Variants in CPEB3 observed in about 807,000 individuals in gnomAD.
CPEB3 encodes cytoplasmic polyadenylation element binding protein 3.
A neutral mutation model predicts 67.2 loss-of-function variants in CPEB3; 20 were observed. The ratio of observed to expected loss-of-function variants is 0.30; its 90% CI spans 0.21 to 0.43. CPEB3 has a LOEUF of 0.43. Ranked by LOEUF, CPEB3 falls within the 20% of genes least tolerant of loss-of-function variation. The probability of loss-of-function intolerance (pLI) is 1.00; values close to 1 mark genes in which losing one functional copy is unlikely to be tolerated. For missense variants in CPEB3, 746 were observed against 968.6 expected (o/e 0.77, Z 3.05); for synonymous variants, 376 against 393.1 (o/e 0.96, Z 0.51).
At chr10:92,147,222 G>A (rs759464180) in intron 4 of CPEB3, among the ~76,000 whole-genome samples, 3 of 152,306 alleles carry the variant, frequency 2.0e-5, no homozygotes, top group East Asian at 1.9e-4. Context: ...TTGGGAGGCC[G>A]AGGCAGGTGG....
At chr10:92,238,806 A>G (rs1851666146) in intron 2 of CPEB3, among the ~76,000 whole-genome samples, 1 of 152,220 alleles carries the variant, frequency 6.6e-6, no homozygotes, top group Non-Finnish European at 1.5e-5. Flanking sequence ...TTAGCGAGAC[A>G]TAAACACATG....
intron 9 of CPEB3, among the ~76,000 whole-genome samples, chr10:92,077,029 T>C (rs1160415164): frequency 6.6e-6 from 1 of 152,114 alleles, no homozygotes; most frequent in African/African-American, 2.4e-5. Flanking sequence ...AACCTTTCTA[T>C]GAGATATGAG....
chr10:92,234,105 C>CA (rs1266057741), intron 2 of CPEB3, among the ~76,000 whole-genome samples: 28,261 of 81,118 alleles, frequency 0.35, 3,879 homozygotes, highest in Middle Eastern at 0.44. Flanking sequence ...GACTTTGTCT[C>CA]AAAAAAAAAA....
chr10:92,168,025 T>C (rs994387401), intron 4 of CPEB3, among the ~76,000 whole-genome samples: 2 of 152,048 alleles, frequency 1.3e-5, no homozygotes, highest in African/African-American at 4.8e-5. Context: ...CAAAACATGA[T>C]ATACAGAAAA....
At chr10:92,140,113 C>G (rs1846329404) in intron 6 of CPEB3, among the ~76,000 whole-genome samples, 2 of 151,172 alleles carry the variant, frequency 1.3e-5, no homozygotes, top group South Asian at 2.1e-4. Flanking sequence ...ACTTTCTTCA[C>G]AGAATTGGAA....
Position 92,081,309 on chromosome 10 carries a change from T to G in CPEB3, c.1869+11A>C. 1.2e-6 allele frequency: 2 copies of G among 1,614,080 alleles called. No individual in the cohort carries two copies. Among genetic ancestry groups the G allele is most frequent in the Middle Eastern group, 3.3e-4 (2 of 6,054 alleles). ...TCTCCCATAGCAGTTTCACCCTAAG[T>G]AGGTGCTTACCCGTTTGTCAATGTC... On this transcript the variant is annotated intron_variant, in intron 9 of 9. Coordinates refer to ENST00000265997, the MANE Select transcript of CPEB3 (RefSeq NM_014912.5).
At chr10:92,203,415 T>C (rs886230958) in intron 2 of CPEB3, among the ~76,000 whole-genome samples, 7 of 146,140 alleles carry the variant, frequency 4.8e-5, no homozygotes, top group South Asian at 2.1e-4. Context: ...TATATGTATA[T>C]GTATATATAT....
intron 2 of CPEB3, among the ~76,000 whole-genome samples, chr10:92,197,029 T>C (rs1237163339): frequency 6.6e-6 from 1 of 152,106 alleles, no homozygotes; most frequent in Non-Finnish European, 1.5e-5. Context: ...GCTACCATAA[T>C]ATTAGGGAGA....
intron 9 of CPEB3, among the ~76,000 whole-genome samples, chr10:92,058,206 T>A (rs1294431116): frequency 1.3e-5 from 2 of 152,326 alleles, no homozygotes; most frequent in Admixed American, 6.5e-5. Context: ...AAGGTCACTA[T>A]ATAATGATAA....
intron 2 of CPEB3, among the ~76,000 whole-genome samples, chr10:92,235,539 G>C (rs1044437397): frequency 6.6e-6 from 1 of 152,120 alleles, no homozygotes; most frequent in South Asian, 2.1e-4. Context: ...TACGTTTATG[G>C]GATACTTTAC....
chr10:92,249,787 A>T (rs1459654581), intron 1 of CPEB3, among the ~76,000 whole-genome samples: 1 of 152,106 alleles, frequency 6.6e-6, no homozygotes, highest in Non-Finnish European at 1.5e-5. Context: ...TGGGAGGCCG[A>T]AGCAGGAAGA....
At chr10:92,287,942 C>A (rs193081743) in intron 1 of CPEB3, among the ~76,000 whole-genome samples, 2 of 152,252 alleles carry the variant, frequency 1.3e-5, no homozygotes, top group African/African-American at 4.8e-5. Context: ...TATGGAGTTG[C>A]CTATTCTTGA....
chr10:92,153,542 T>C (rs1464161604), intron 4 of CPEB3, among the ~76,000 whole-genome samples: 1 of 152,132 alleles, frequency 6.6e-6, no homozygotes, highest in African/African-American at 2.4e-5. Flanking sequence ...TCCCAGCACT[T>C]TGGGAGGCCG....
chr10:92,100,371 T>C (rs1237805976), intron 7 of CPEB3, among the ~76,000 whole-genome samples: 3 of 152,034 alleles, frequency 2.0e-5, no homozygotes, highest in African/African-American at 7.2e-5. Context: ...CCTCCCAGGT[T>C]CAAGTGATTC....
intron 4 of CPEB3, among the ~76,000 whole-genome samples, chr10:92,178,760 T>C (rs1349203166): frequency 1.3e-5 from 2 of 152,178 alleles, no homozygotes; most frequent in African/African-American, 4.8e-5. Context: ...GCTACATATG[T>C]AAGTCACCAG....
intron 2 of CPEB3, among the ~76,000 whole-genome samples, chr10:92,229,682 T>C (rs1207077018): frequency 6.6e-6 from 1 of 152,230 alleles, no homozygotes; most frequent in Non-Finnish European, 1.5e-5. Context: ...TTTTACAAAT[T>C]GAAGATGTCC....
rs1590348697 is a variant in CPEB3, at chr10:92,192,326, A to G, written c.1165+151T>C. 3 of 731,518 alleles carry G rather than the reference A, an allele frequency of 4.1e-6. No homozygotes were observed. The Admixed American group carries it at 9.0e-5, about 22-fold the overall frequency. The allele number at this position is 731,518 out of a possible 1,614,324, so 45.3% of individuals were successfully genotyped here. ...TTATAGGTAGCTGAACCCAGGTTAA[A>G]AAAAATCAACTTTAAATACATTCCA... On this transcript the variant is annotated intron_variant, in intron 3 of 9. Coordinates refer to ENST00000265997, the MANE Select transcript of CPEB3 (RefSeq NM_014912.5).
At chr10:92,191,011 T>C (rs1246715904) in intron 3 of CPEB3, among the ~76,000 whole-genome samples, 1 of 152,228 alleles carries the variant, frequency 6.6e-6, no homozygotes, top group Non-Finnish European at 1.5e-5. Context: ...ATATGAGAAT[T>C]AGACGAATAA....
At chr10:92,198,521 C>A (rs1849348488) in intron 2 of CPEB3, among the ~76,000 whole-genome samples, 1 of 152,198 alleles carries the variant, frequency 6.6e-6, no homozygotes, top group Non-Finnish European at 1.5e-5. Flanking sequence ...AATCCAGAAC[C>A]CCTTGCTACT....
Sources: allele counts gnomAD v4.1 joint callset (sites outside exome capture counted in the v4.1 genomes callset), GRCh38; gene constraint gnomAD v4.1.1; transcripts MANE v1.5; gene names NCBI Gene and HGNC (gene_info 2026-07-23, HGNC 2026-07-21).